The following SOX6 variants were observed in gnomAD, a reference collection of about 807,000 sequenced individuals.
SOX6 encodes transcription factor SOX-6.
A neutral mutation model predicts 97.8 loss-of-function variants in SOX6; 11 were observed. The ratio of observed to expected loss-of-function variants is 0.11; its 90% confidence interval spans 0.07 to 0.19. SOX6 has a LOEUF of 0.19. SOX6 is among the 10% of genes least tolerant of loss of function. The pLI is 1.00. For synonymous variants in SOX6, 360 were observed against 371.4 expected (o/e 0.97, Z 0.35); for missense variants, 810 against 1,039.5 (o/e 0.78, Z 3.04).
chr11:16,038,045 A>ACGCAGTCCGGCCTGGGCGACAGAGCG (rs1855562814), intron 12 of SOX6, among the ~76,000 whole-genome samples: 1 of 152,202 alleles, frequency 6.6e-6, no homozygotes, highest in African/African-American at 2.4e-5. Context: ...TAAAAATAAC[A>ACGCAGTCCGGCCTGGGCGACAGAGCG]ATACAAATAA....
intron 1 of SOX6, among the ~76,000 whole-genome samples, chr11:16,458,361 T>C (rs751334158): frequency 6.6e-6 from 1 of 152,052 alleles, no homozygotes; most frequent in Non-Finnish European, 1.5e-5. Context: ...AATGTTGCAA[T>C]AAAAGTATGC....
intron 1 of SOX6, among the ~76,000 whole-genome samples, chr11:16,426,686 G>A (rs944130467): frequency 3.3e-4 from 50 of 151,706 alleles, no homozygotes; most frequent in East Asian, 1.9e-3. Context: ...AGGCCGAGGC[G>A]GGCGGATCAC....
intron 9 of SOX6, among the ~76,000 whole-genome samples, chr11:16,071,687 T>C (rs894552754): frequency 2.0e-5 from 3 of 152,064 alleles, no homozygotes; most frequent in African/African-American, 7.2e-5. Context: ...TCCCCAGGAA[T>C]AACTTGAATA....
At chr11:16,598,268 G>C (rs1192991847) in intron 4 of SOX6, among the ~76,000 whole-genome samples, 1 of 152,016 alleles carries the variant, frequency 6.6e-6, no homozygotes, top group Non-Finnish European at 1.5e-5. Context: ...ATTGGGAGGA[G>C]AGGAGCTGAC....
At chr11:16,003,113 T>C (rs1487038297) in intron 13 of SOX6, among the ~76,000 whole-genome samples, 1 of 152,130 alleles carries the variant, frequency 6.6e-6, no homozygotes. Context: ...GGCTCCCTCA[T>C]GCCCACAAGA....
intron 1 of SOX6, among the ~76,000 whole-genome samples, chr11:16,370,196 T>C (rs887743774): frequency 2.6e-5 from 4 of 152,154 alleles, no homozygotes; most frequent in African/African-American, 9.7e-5. Flanking sequence ...TCCATTTTTT[T>C]CCATCAGCCC....
chr11:16,577,011 C>A (rs1847991009), intron 4 of SOX6: 1 of 152,166 alleles, frequency 6.6e-6, no homozygotes, highest in Non-Finnish European at 1.5e-5. Context: ...GGGAGACCAA[C>A]AGGTTTCCTA....
intron 4 of SOX6, among the ~76,000 whole-genome samples, chr11:16,604,663 A>T (rs1253047858): frequency 6.6e-6 from 1 of 152,194 alleles, no homozygotes; most frequent in Non-Finnish European, 1.5e-5. Flanking sequence ...CGGCCCTCAC[A>T]GGGTCTCACA....
chr11:16,007,054 G>A (rs1246161215), intron 13 of SOX6, among the ~76,000 whole-genome samples: 2 of 151,746 alleles, frequency 1.3e-5, no homozygotes, highest in Non-Finnish European at 2.9e-5. Context: ...CAAACAAGAA[G>A]AGGAATCTAG....
chr11:16,539,973 G>C (rs559595842), intron 4 of SOX6, among the ~76,000 whole-genome samples: 7 of 152,062 alleles, frequency 4.6e-5, no homozygotes, highest in Non-Finnish European at 7.4e-5. Context: ...ATTTTATGAG[G>C]CCAGCATCAT....
At chr11:16,102,755 C>T (rs1314243775) in intron 7 of SOX6, among the ~76,000 whole-genome samples, 1 of 151,872 alleles carries the variant, frequency 6.6e-6, no homozygotes, top group Admixed American at 6.6e-5. Context: ...TTCAACAAAG[C>T]AGACAAAAAC....
intron 3 of SOX6, chr11:16,311,589 TG>T (rs1373604815): frequency 1.3e-5 from 2 of 152,162 alleles, no homozygotes; most frequent in Admixed American, 6.6e-5. Context: ...ACTCATTTTT[TG>T]GTTGAGAAAC....
At chr11:16,486,672 C>T (rs949014014) in intron 4 of SOX6, among the ~76,000 whole-genome samples, 1 of 151,996 alleles carries the variant, frequency 6.6e-6, no homozygotes, top group Non-Finnish European at 1.5e-5. Context: ...ACCAGCCTGG[C>T]CAACATGGTG....
Position 16,049,861 on chromosome 11 carries a change from G to A in SOX6, c.1329C>T (p.Pro443=), listed in dbSNP as rs775695894. 92 of 1,613,718 alleles carry A rather than the reference G, an allele frequency of 5.7e-5. No individual in the cohort carries two copies. Among genetic ancestry groups the A allele is most frequent in the Non-Finnish European group, 7.7e-5 (91 of 1,179,824 alleles). ...TAEPVKSPTS[P]TQNLFPASKT... ...TGCTGGCTGGGAAGAGGTTCTGGGTGGGAGACGTTGGGGACTTTACAGGCT... is the reference window on the plus strand; with the variant it reads ...TGCTGGCTGGGAAGAGGTTCTGGGTAGGAGACGTTGGGGACTTTACAGGCT... Residue 443 remains proline (P), a synonymous_variant, in exon 11 of 16, where the codon CCC becomes CCT. Transcript: ENST00000683767.
intron 1 of SOX6, among the ~76,000 whole-genome samples, chr11:16,374,738 TATTCTTAGGCA>T (rs1857598553): frequency 6.6e-6 from 1 of 152,074 alleles, no homozygotes; most frequent in African/African-American, 2.4e-5. Context: ...TTATCCACTC[TATTCTTAGGCA>T]ATGTTCTATA....
chr11:16,621,235 A>G (rs563618679), intron 3 of SOX6, among the ~76,000 whole-genome samples: 1 of 152,312 alleles, frequency 6.6e-6, no homozygotes, highest in African/African-American at 2.4e-5. Context: ...TGATGTCTGT[A>G]TTTATTTTCT....
At chr11:16,689,868 A>G (rs1847999083) in intron 3 of SOX6, among the ~76,000 whole-genome samples, 1 of 151,160 alleles carries the variant, frequency 6.6e-6, no homozygotes, top group Admixed American at 6.6e-5. Flanking sequence ...GAGATTGTGC[A>G]TCTCTGAAAT....
intron 2 of SOX6, among the ~76,000 whole-genome samples, chr11:16,329,107 CAAT>C (rs1326422992): frequency 6.6e-6 from 1 of 151,820 alleles, no homozygotes; most frequent in Non-Finnish European, 1.5e-5. Flanking sequence ...TGTTGAATAA[CAAT>C]AAAATTATTC....
chr11:16,022,806 T>G (rs566000070), intron 12 of SOX6, among the ~76,000 whole-genome samples: 7 of 152,302 alleles, frequency 4.6e-5, no homozygotes, highest in Non-Finnish European at 8.8e-5. Flanking sequence ...AATTATTCAC[T>G]ACTTTTAAGC....
Sources: allele counts gnomAD v4.1 joint callset (sites outside exome capture counted in the v4.1 genomes callset), GRCh38; gene constraint gnomAD v4.1.1; transcripts MANE v1.5; gene names NCBI Gene and HGNC (gene_info 2026-07-23, HGNC 2026-07-21).